Variants in PCSK5 observed in about 807,000 individuals in gnomAD.
The protein encoded by PCSK5 is prohormone convertase 5.
In PCSK5, 129 loss-of-function variants were observed where a neutral mutation model predicts 233.2. The observed-to-expected ratio is 0.55, with a 90% CI of 0.48 to 0.64. PCSK5 has a LOEUF of 0.64. Ranked by LOEUF, PCSK5 falls within the 30% of genes least tolerant of loss-of-function variation. The pLI, the probability that PCSK5 is intolerant of heterozygous loss-of-function variation, is 0.00. For synonymous variants in PCSK5, 825 were observed against 879.2 expected, an observed-to-expected ratio of 0.94 and a Z score of 1.09; for missense variants, 2,076 against 2,430.1, an observed-to-expected ratio of 0.85 and a Z score of 3.06.
intron 35 of PCSK5, among the ~76,000 whole-genome samples, chr9:76,345,169 CTTATT>C (rs1829942164): frequency 6.6e-6 from 1 of 150,452 alleles, no homozygotes; most frequent in Non-Finnish European, 1.5e-5. Flanking sequence ...CTATTGTTCC[CTTATT>C]TTATTTTATT....
intron 2 of PCSK5, among the ~76,000 whole-genome samples, chr9:75,943,114 A>G (rs1418303499): frequency 2.0e-5 from 3 of 151,734 alleles, no homozygotes; most frequent in Non-Finnish European, 4.4e-5. Flanking sequence ...CGAACTCCTG[A>G]CCTCAGGTGA....
chr9:75,902,436 G>T (rs1404029477), intron 1 of PCSK5, among the ~76,000 whole-genome samples: 1 of 152,030 alleles, frequency 6.6e-6, no homozygotes, highest in Non-Finnish European at 1.5e-5. Context: ...GGCCATAGCG[G>T]CTTTACAAAC....
At chr9:76,337,937 T>C (rs1235655907) in intron 34 of PCSK5, among the ~76,000 whole-genome samples, 1 of 152,126 alleles carries the variant, frequency 6.6e-6, no homozygotes, top group Non-Finnish European at 1.5e-5. Context: ...AAGGCAATGG[T>C]AGCTAGCAAC....
intron 10 of PCSK5, among the ~76,000 whole-genome samples, chr9:76,144,640 T>C (rs942149623): frequency 2.6e-5 from 4 of 152,212 alleles, no homozygotes; most frequent in Middle Eastern, 3.2e-3. Flanking sequence ...AAGTCCCACA[T>C]GGGCATCCCT....
rs550111600 is a variant in PCSK5, at chr9:76,356,579, C to T, written c.5255-1934C>T. Among the ~76,000 whole-genome samples the T allele has an allele frequency of 3.3e-5, 5 of 152,242 alleles. No homozygotes were observed. The East Asian group carries it at 9.7e-4, about 29-fold the overall frequency. On this transcript the variant is annotated intron_variant, in intron 37 of 37. Transcript: ENST00000674117. ...CTCTCCAATGCTTTAATGTTTTCTC[C>T]AGGGAAAAATTCTATGCTGAACTTG...
At position 76,031,634 on chromosome 9, in the gene PCSK5, A is replaced by G. The variant is rs377102972; in HGVS notation, c.632+4597A>G. 4.6e-5 allele frequency among the ~76,000 whole-genome samples: 7 copies of G among 152,298 alleles called. No individual in the cohort carries two copies. In the East Asian group the frequency reaches 1.2e-3, roughly 25 times the overall value. ...AGCCTAGGAGGTCAAGGTTGCAGTGAGCCAAGATTGTGCCACTGCACTCCA... is the reference window on the plus strand; with the variant it reads ...AGCCTAGGAGGTCAAGGTTGCAGTGGGCCAAGATTGTGCCACTGCACTCCA... On this transcript the variant is annotated intron_variant, in intron 5 of 37. Transcript: ENST00000674117.
chr9:76,250,902 C>T (rs1826780101), intron 24 of PCSK5, among the ~76,000 whole-genome samples: 1 of 152,076 alleles, frequency 6.6e-6, no homozygotes, highest in African/African-American at 2.4e-5. Context: ...TAAGCATTTG[C>T]CAAAATTTAT....
rs1323848200 is a variant in PCSK5 at position 76,310,850 on chromosome 9, G to C, written c.3883G>C (p.Glu1295Gln). Residue 1295 changes from glutamate (E) to glutamine (Q), a missense_variant and splice_region_variant, in exon 30 of 38, where the codon GAG becomes CAG. Glu to Gln is a conservative substitution (Grantham distance 29, BLOSUM62 2). This residue lies in a region of PCSK5 where 1,510 missense variants were observed against 1,538.1 expected (regional missense o/e 0.98). Transcript: ENST00000674117. ...HEGRCYSKCP[E>Q]GSYAEDGICE... ...AGGCAGGTGCTACTCCAAGTGCCCG[G>C]AGTAAGTTTCCTTTTTAATTTTACT... is the stretch of plus-strand genomic sequence containing the variant. The C allele has an allele frequency of 6.4e-7, 1 of 1,573,490 alleles. No individual in the cohort carries two copies. The highest frequency in any genetic ancestry group is 8.6e-7 in the Non-Finnish European group (1 of 1,161,808).
At chr9:76,088,654 T>C (rs747783429) in intron 7 of PCSK5, among the ~76,000 whole-genome samples, 16 of 152,150 alleles carry the variant, frequency 1.1e-4, no homozygotes, top group Non-Finnish European at 2.2e-4. Context: ...CTCAGCTCCA[T>C]CTTACTCGGA....
At chr9:76,252,636 A>G (rs533185113) in intron 24 of PCSK5, among the ~76,000 whole-genome samples, 1 of 152,324 alleles carries the variant, frequency 6.6e-6, no homozygotes, top group Admixed American at 6.5e-5. Context: ...GTTTACCTCT[A>G]CAAAGGACCT....
At chr9:75,941,506 C>A (rs909974096) in intron 2 of PCSK5, among the ~76,000 whole-genome samples, 19 of 151,990 alleles carry the variant, frequency 1.3e-4, no homozygotes, top group African/African-American at 4.6e-4. Flanking sequence ...GGCTTGGATC[C>A]AATGACAAGC....
chr9:76,175,154 A>G (rs975702871), intron 14 of PCSK5, 25 bp downstream of exon 14: 1 of 1,613,002 alleles, frequency 6.2e-7, no homozygotes, highest in Non-Finnish European at 8.5e-7. Flanking sequence ...AGTGGGACAC[A>G]GGCTAAAAAG....
At chr9:76,221,200 A>G (rs1385983484) in intron 20 of PCSK5, among the ~76,000 whole-genome samples, 1 of 152,212 alleles carries the variant, frequency 6.6e-6, no homozygotes, top group Non-Finnish European at 1.5e-5. Context: ...GGTATAATCA[A>G]TCATTGAGTA....
intron 1 of PCSK5, among the ~76,000 whole-genome samples, chr9:75,908,900 TATC>T (rs1455055526): frequency 1.5e-5 from 2 of 129,590 alleles, no homozygotes; most frequent in African/African-American, 6.1e-5. Context: ...TCTATCTATC[TATC>T]TATCTATCTA....
At position 76,323,169 on chromosome 9, in the gene PCSK5, G is replaced by A; in HGVS notation, c.4220G>A (p.Gly1407Asp). 1 of 1,612,580 alleles carries A rather than the reference G, an allele frequency of 6.2e-7. No individual in the cohort carries two copies. The highest frequency in any genetic ancestry group is 8.5e-7 in the Non-Finnish European group (1 of 1,179,680). ...PCHKDCLECSGPKADDCELCL... is the reference protein window; with the variant it reads ...PCHKDCLECSDPKADDCELCL... ...CATAAAGACTGTCTGGAGTGCAGTG[G>A]CCCCAAAGCCGACGACTGCGAGCTC... The change falls in exon 32 of 38, where the codon GGC becomes GAC. Residue 1407 changes from glycine (G) to aspartate (D), a missense_variant. This residue lies in a region of PCSK5 where 1,510 missense variants were observed against 1,538.1 expected (regional missense o/e 0.98). Transcript: ENST00000674117.
At chr9:76,274,349 A>G (rs1827624570) in intron 24 of PCSK5, among the ~76,000 whole-genome samples, 1 of 152,044 alleles carries the variant, frequency 6.6e-6, no homozygotes. Context: ...TAAAAATTTT[A>G]AATATTTGTT....
At chr9:76,170,113 A>G (rs1407057222) in intron 13 of PCSK5, among the ~76,000 whole-genome samples, 2 of 152,230 alleles carry the variant, frequency 1.3e-5, no homozygotes, top group African/African-American at 2.4e-5. Flanking sequence ...ATCTCTAACC[A>G]GCTTCCCAGA....
chr9:76,131,615 G>C (rs578207266), intron 9 of PCSK5, among the ~76,000 whole-genome samples: 5 of 152,230 alleles, frequency 3.3e-5, no homozygotes, highest in South Asian at 4.1e-4. Flanking sequence ...AATGCAGGAG[G>C]CTTCCTGAAT....
intron 3 of PCSK5, among the ~76,000 whole-genome samples, chr9:75,995,099 G>A (rs144437712): frequency 6.6e-6 from 1 of 152,274 alleles, no homozygotes; most frequent in Non-Finnish European, 1.5e-5. Flanking sequence ...CCTCTGCTGG[G>A]TTAATTCCAA....
Sources: allele counts gnomAD v4.1 joint callset (sites outside exome capture counted in the v4.1 genomes callset), GRCh38; gene constraint gnomAD v4.1.1; regional missense constraint gnomAD v4.1.1; transcripts MANE v1.5; gene names NCBI Gene and HGNC (gene_info 2026-07-23, HGNC 2026-07-21).